The following LDLRAD4 variants were observed in gnomAD, a reference collection of about 807,000 sequenced individuals.
LDLRAD4 encodes the protein low density lipoprotein receptor class A domain containing 4, also known as low-density lipoprotein receptor class A domain-containing protein 4.
In LDLRAD4, 5 loss-of-function variants were observed where a neutral mutation model predicts 17.0. The ratio of observed to expected loss-of-function variants is 0.29; its 90% CI spans 0.15 to 0.62. The LOEUF is 0.62. Among genes scored for constraint, LDLRAD4 ranks in the 20% least tolerant of loss-of-function variants. The pLI is 0.84. For synonymous variants in LDLRAD4, 168 were observed against 171.8 expected, an observed-to-expected ratio of 0.98 and a Z score of 0.17; for missense variants, 340 against 424.7, an observed-to-expected ratio of 0.80 and a Z score of 1.75.
intron 1 of LDLRAD4, among the ~76,000 whole-genome samples, chr18:13,253,312 G>A (rs2043326543): frequency 6.6e-6 from 1 of 152,148 alleles, no homozygotes; most frequent in Non-Finnish European, 1.5e-5. Flanking sequence ...GGGGAAGCTG[G>A]GCGCCACTGC....
At chr18:13,566,311 G>C (rs2094600605) in intron 3 of LDLRAD4, among the ~76,000 whole-genome samples, 1 of 151,842 alleles carries the variant, frequency 6.6e-6, no homozygotes, top group Non-Finnish European at 1.5e-5. Context: ...ACCCATCTCT[G>C]TTCAGCACAA....
At position 13,621,234 on chromosome 18, in the gene LDLRAD4, C is replaced by G. The variant is rs768046454; in HGVS notation, c.299C>G (p.Pro100Arg). 1 of 1,613,562 alleles carries G rather than the reference C, an allele frequency of 6.2e-7. No homozygotes were observed. The highest frequency in any genetic ancestry group is 8.5e-7 in the Non-Finnish European group (1 of 1,180,010). Residue 100 changes from proline (P) to arginine (R), a missense_variant, in exon 4 of 6, where the codon CCG (proline) becomes CGG (arginine). Pro to Arg is a moderately radical substitution (Grantham distance 103, BLOSUM62 -2). Transcript: ENST00000359446. This position sits in a 1 kb window ranked among gnomAD's most constrained non-coding sequence, Gnocchi z 5.5. ...TCCACGCGGTCCTTCATCAACCGCC[C>G]GAACCAGAGCCGGAGGCGGGAGGAC...
intron 3 of LDLRAD4, among the ~76,000 whole-genome samples, chr18:13,503,073 G>T (rs2093637761): frequency 6.6e-6 from 1 of 152,232 alleles, no homozygotes; most frequent in Non-Finnish European, 1.5e-5. Context: ...TCGACTGCAT[G>T]AATTCTGTCT....
At chr18:13,243,674 A>C (rs565848589) in intron 1 of LDLRAD4, among the ~76,000 whole-genome samples, 299 of 146,696 alleles carry the variant, frequency 2.0e-3, no homozygotes, top group African/African-American at 7.2e-3. Context: ...CCGTCTACCC[A>C]TCCATCTATC....
intron 1 of LDLRAD4, among the ~76,000 whole-genome samples, chr18:13,255,266 T>G (rs1033242668): frequency 2.0e-5 from 3 of 152,086 alleles, no homozygotes; most frequent in Non-Finnish European, 4.4e-5. Context: ...CCTCCTGGCC[T>G]AGGGTCTGTG....
chr18:13,306,827 G>C (rs1403184269), intron 1 of LDLRAD4, among the ~76,000 whole-genome samples: 1 of 152,138 alleles, frequency 6.6e-6, no homozygotes, highest in Non-Finnish European at 1.5e-5. Flanking sequence ...AAAATAAAAA[G>C]GTGCGCCAGG....
At chr18:13,495,247 C>T (rs528227802) in intron 3 of LDLRAD4, among the ~76,000 whole-genome samples, 11 of 152,262 alleles carry the variant, frequency 7.2e-5, no homozygotes, top group African/African-American at 1.2e-4. Flanking sequence ...TCGCTCCCTG[C>T]GTGGGGAGGT....
At chr18:13,248,664 G>A (rs2043085909) in intron 1 of LDLRAD4, among the ~76,000 whole-genome samples, 2 of 152,156 alleles carry the variant, frequency 1.3e-5, no homozygotes, top group African/African-American at 4.8e-5. Flanking sequence ...ACATATTTAT[G>A]GGGTACATAG....
intron 1 of LDLRAD4, among the ~76,000 whole-genome samples, chr18:13,385,525 T>G (rs908957820): frequency 1.3e-5 from 2 of 152,010 alleles, no homozygotes; most frequent in East Asian, 3.9e-4. Context: ...TAGACAAAAT[T>G]CCCACAATAA....
At chr18:13,231,302 G>A (rs1188949286) in intron 1 of LDLRAD4, among the ~76,000 whole-genome samples, 1 of 152,208 alleles carries the variant, frequency 6.6e-6, no homozygotes, top group East Asian at 1.9e-4. Flanking sequence ...AAAGGTGGGT[G>A]CACGCAGACA....
chr18:13,468,325 G>A (rs146663263), intron 3 of LDLRAD4, among the ~76,000 whole-genome samples: 10,503 of 152,168 alleles, frequency 0.069, 934 homozygotes, highest in African/African-American at 0.21. Context: ...AGTCAGAATG[G>A]CGATCATTAA....
At chr18:13,474,290 C>T (rs762025479) in intron 3 of LDLRAD4, among the ~76,000 whole-genome samples, 3 of 152,144 alleles carry the variant, frequency 2.0e-5, no homozygotes, top group South Asian at 2.1e-4. Flanking sequence ...CTAATACAGC[C>T]GCTAAGCCGT....
At chr18:13,356,741 C>A (rs1419418293) in intron 1 of LDLRAD4, among the ~76,000 whole-genome samples, 4 of 152,182 alleles carry the variant, frequency 2.6e-5, no homozygotes, top group Admixed American at 2.6e-4. Context: ...AGGAGCACCC[C>A]CTGTCTTGAA....
At chr18:13,287,985 C>T (rs1393049206) in intron 1 of LDLRAD4, among the ~76,000 whole-genome samples, 1 of 152,144 alleles carries the variant, frequency 6.6e-6, no homozygotes, top group African/African-American at 2.4e-5. Flanking sequence ...CTCATATAAA[C>T]GTAGAAGCCG....
chr18:13,566,787 AAG>A (rs754961202), intron 3 of LDLRAD4, among the ~76,000 whole-genome samples: 2 of 152,164 alleles, frequency 1.3e-5, no homozygotes, highest in African/African-American at 4.8e-5. Context: ...GTCCCCCAAA[AAG>A]AGAGGATTTA....
At chr18:13,264,869 C>CCGAA (rs2044127163) in intron 1 of LDLRAD4, among the ~76,000 whole-genome samples, 1 of 152,196 alleles carries the variant, frequency 6.6e-6, no homozygotes, top group Non-Finnish European at 1.5e-5. Context: ...TACAGTCTTC[C>CCGAA]CGAACCTGGA....
intron 1 of LDLRAD4, among the ~76,000 whole-genome samples, chr18:13,331,358 T>A (rs2081857670): frequency 6.6e-6 from 1 of 152,214 alleles, no homozygotes. Context: ...CTCAGAAGAC[T>A]TCTGTGTTGA....
At chr18:13,498,767 G>A (rs979675418) in intron 3 of LDLRAD4, among the ~76,000 whole-genome samples, 1 of 149,140 alleles carries the variant, frequency 6.7e-6, no homozygotes, top group East Asian at 2.0e-4. Context: ...ACATCCCGCC[G>A]TGGACACTGG....
chr18:13,351,657 G>C (rs1390883443), intron 1 of LDLRAD4, among the ~76,000 whole-genome samples: 1 of 152,162 alleles, frequency 6.6e-6, no homozygotes, highest in Admixed American at 6.5e-5. Flanking sequence ...GGACCAGACA[G>C]ATTCACAGCC....
Sources: gnomAD v4.1 joint callset for allele counts (sites outside exome capture counted in the v4.1 genomes callset) on GRCh38, gnomAD v4.1.1 for gene constraint, Gnocchi (gnomAD v3.1) non-coding constraint, MANE v1.5 for transcripts, NCBI Gene and HGNC (gene_info 2026-07-23, HGNC 2026-07-21) for gene names.